DNAH17: variants seen among roughly 807,000 people sequenced by gnomAD.
DNAH17 encodes the protein axonemal beta dynein heavy chain 17.
DNAH17 carries 376 observed loss-of-function variants against 485.6 expected under a neutral mutation model. The observed-to-expected ratio is 0.77, with a 90% CI of 0.71 to 0.84. The LOEUF (loss-of-function observed/expected upper bound fraction) is 0.84, where lower values mean the gene tolerates loss of function less well. Ranked by LOEUF, DNAH17 falls within the 40% of genes least tolerant of loss-of-function variation. DNAH17 has a pLI of 0.00. For missense variants in DNAH17, 6,370 were observed against 5,839.3 expected (o/e 1.09, Z -2.96); for synonymous variants, 3,031 against 2,405.9 (o/e 1.26, Z -7.60).
At chr17:78,484,739 A>ACCCCCCCGG in intron 48 of DNAH17, 129 bp downstream of exon 48, 2 of 347,798 alleles carry the variant, frequency 5.8e-6, no homozygotes, top group Non-Finnish European at 9.1e-6. Flanking sequence ...ACGTTGCAGC[A>ACCCCCCCGG]CCCCCCCCAC....
intron 55 of DNAH17, among the ~76,000 whole-genome samples, chr17:78,468,195 T>C (rs976658203): frequency 2.6e-5 from 4 of 151,766 alleles, no homozygotes; most frequent in African/African-American, 4.8e-5. Flanking sequence ...CAAATAAAAA[T>C]ATAGTATAAC....
Position 78,445,417 on chromosome 17 carries a change from C to G in DNAH17, c.11334+141G>C. On this transcript the variant is annotated intron_variant, in intron 70 of 80. Transcript: ENST00000389840. ...AGCCAGCCCATCTTGGTCTCCATCCCTATGTGCGGGGCCTCCTTGCTTTAC... is the reference window on the plus strand; with the variant it reads ...AGCCAGCCCATCTTGGTCTCCATCCGTATGTGCGGGGCCTCCTTGCTTTAC... 3 of 1,212,948 alleles carry G rather than the reference C, an allele frequency of 2.5e-6. No homozygotes were observed. The South Asian group carries it at 4.7e-5, about 19-fold the overall frequency. 75.1% of individuals were successfully genotyped at this position (1,212,948 alleles called of 1,614,324 possible). A position where few individuals can be genotyped will look rare whatever the true frequency, so the allele number is the denominator to read the frequency against.
intron 54 of DNAH17, among the ~76,000 whole-genome samples, chr17:78,473,543 CAAAAAAA>C (rs758795883): frequency 2.3e-4 from 13 of 55,446 alleles, no homozygotes; most frequent in South Asian, 7.5e-4. Context: ...GACTCTGTCT[CAAAAAAA>C]AAAAAAAAAA....
intron 44 of DNAH17, among the ~76,000 whole-genome samples, 172 bp downstream of exon 44, chr17:78,490,527 C>T (rs535800370): frequency 7.0e-6 from 1 of 142,038 alleles, no homozygotes; most frequent in South Asian, 2.3e-4. Flanking sequence ...TGAATTTACA[C>T]CATTTATTCC....
chr17:78,544,408 C>A (rs2143489448), intron 16 of DNAH17, among the ~76,000 whole-genome samples: 1 of 152,264 alleles, frequency 6.6e-6, no homozygotes, highest in South Asian at 2.1e-4. Flanking sequence ...GGGAGTAAGT[C>A]CCTTTTGTGG....
At position 78,430,278 on chromosome 17, in the gene DNAH17, T is replaced by C. The variant is rs1027393169; in HGVS notation, c.12226-978A>G. 5.9e-5 allele frequency among the ~76,000 whole-genome samples: 9 copies of C among 152,186 alleles called. 1 individual carries two copies. The East Asian group carries it at 7.7e-4, about 13-fold the overall frequency. ...TCATTTTAAATTTTGTGGCAGCCAC[T>C]TTAAAAGAGATCATTCCAACATGTA... is the stretch of plus-strand genomic sequence containing the variant. On this transcript the variant is annotated intron_variant, in intron 75 of 80. Transcript: ENST00000389840.
Position 78,495,039 on chromosome 17 carries a change from C to T in DNAH17, c.5962G>A (p.Glu1988Lys), listed in dbSNP as rs199509410. 159 of 1,611,740 alleles carry T rather than the reference C, an allele frequency of 9.9e-5. No individual in the cohort carries two copies. The highest frequency in any genetic ancestry group is 1.3e-4 in the Non-Finnish European group (151 of 1,179,048). ...ELICEIMLMA[E>K]GFLEARLLAR... ...AGAAGGCGGGCTTCCAGAAAGCCCT[C>T]GGCCATGAGCATGATCTCACATATC... is the stretch of plus-strand genomic sequence containing the variant. Residue 1988 changes from glutamate (E) to lysine (K), a missense_variant, in exon 39 of 81, where the codon GAG (glutamate) becomes AAG (lysine). Coordinates refer to ENST00000389840, the MANE Select transcript of DNAH17 (RefSeq NM_173628.4).
intron 25 of DNAH17, among the ~76,000 whole-genome samples, chr17:78,519,896 G>A (rs1427587955): frequency 2.6e-5 from 4 of 152,144 alleles, no homozygotes; most frequent in African/African-American, 4.8e-5. Flanking sequence ...GATCACCTGC[G>A]GTCAGGAGTT....
chr17:78,480,412 G>A (rs1378003306), intron 49 of DNAH17, among the ~76,000 whole-genome samples: 1 of 152,144 alleles, frequency 6.6e-6, no homozygotes, highest in African/African-American at 2.4e-5. Context: ...AACATACTTA[G>A]ACTAAAAACA....
chr17:78,464,540 C>T (rs977252298), intron 56 of DNAH17, among the ~76,000 whole-genome samples: 4 of 152,188 alleles, frequency 2.6e-5, no homozygotes, highest in South Asian at 4.1e-4. Flanking sequence ...GGATTATAGG[C>T]GTGAGCCACT....
intron 25 of DNAH17, among the ~76,000 whole-genome samples, chr17:78,518,696 G>A (rs921979166): frequency 2.6e-5 from 4 of 152,102 alleles, no homozygotes; most frequent in Admixed American, 6.5e-5. Flanking sequence ...AGCAGAATAC[G>A]CATTCTGTTC....
intron 54 of DNAH17, chr17:78,472,911 C>T (rs948643856): frequency 1.6e-5 from 5 of 314,308 alleles, no homozygotes; most frequent in Non-Finnish European, 3.3e-5. Flanking sequence ...CCTGCCCGCT[C>T]TATCCCCTGA....
Position 78,505,306 on chromosome 17 carries a change from T to C in DNAH17, c.4943A>G (p.Asp1648Gly), listed in dbSNP as rs756702069. ...DEYMVFDQEC[D>G]LSGQVEVWLN... ...GCACACACTCACCTGCCCCGAGAGG[T>C]CGCATTCCTGATCAAAAACCATGTA... The change falls in exon 31 of 81, where the codon GAC becomes GGC. Residue 1648 changes from aspartate (D) to glycine (G), a missense_variant. Asp to Gly is a moderately conservative substitution (Grantham distance 94). Transcript: ENST00000389840. 1.2e-5 allele frequency: 20 copies of C among 1,613,550 alleles called. No individual in the cohort carries two copies. In the African/African-American group the frequency reaches 2.5e-4, roughly 20 times the overall value.
intron 42 of DNAH17, among the ~76,000 whole-genome samples, chr17:78,492,318 C>G (rs1438389201): frequency 9.1e-6 from 1 of 110,232 alleles, no homozygotes; most frequent in East Asian, 2.7e-4. Flanking sequence ...GCCTGCATGT[C>G]TGGGCTCCCA....
In DNAH17 at chr17:78,437,796, C is replaced by T; in HGVS notation, c.11878G>A (p.Glu3960Lys). Residue 3960 changes from glutamate to lysine, a missense_variant, in exon 74 of 81, where the codon GAG becomes AAG. By Grantham distance (56) the Glu-to-Lys change is moderately conservative. Coordinates refer to ENST00000389840, the MANE Select transcript of DNAH17 (RefSeq NM_173628.4). ...GCGCTGATGAACACCCGGTAGTCCTCATGGCTGCCCGTGCTGTAGTGCTCC... is the reference window on the plus strand; with the variant it reads ...GCGCTGATGAACACCCGGTAGTCCTTATGGCTGCCCGTGCTGTAGTGCTCC... Reference protein sequence around the residue: ...KLEHYSTGSHEDYRVFISAEP... With the variant: ...KLEHYSTGSHKDYRVFISAEP... 1.9e-6 allele frequency: 3 copies of T among 1,612,560 alleles called. No homozygotes were observed. The highest frequency in any genetic ancestry group is 1.1e-5 in the South Asian group (1 of 91,072).
At chr17:78,546,000 G>T (rs1255174454) in intron 16 of DNAH17, among the ~76,000 whole-genome samples, 1 of 151,810 alleles carries the variant, frequency 6.6e-6, no homozygotes, top group African/African-American at 2.4e-5. Flanking sequence ...TTTGAAACAG[G>T]GTCGTGCTTT....
intron 22 of DNAH17, among the ~76,000 whole-genome samples, chr17:78,528,104 A>T (rs2091126180): frequency 6.6e-6 from 1 of 152,018 alleles, no homozygotes; most frequent in African/African-American, 2.4e-5. Context: ...GAAAAAAAAA[A>T]TCCCAGCCCA....
intron 17 of DNAH17, among the ~76,000 whole-genome samples, chr17:78,542,028 A>T (rs1172875565): frequency 6.6e-6 from 1 of 151,726 alleles, no homozygotes; most frequent in Non-Finnish European, 1.5e-5. Context: ...ATAATGGCCC[A>T]TCCCCCGGGT....
At chr17:78,434,359 G>C (rs745646515) in intron 74 of DNAH17, 139 bp from the exon 75 acceptor site, 24 of 724,552 alleles carry the variant, frequency 3.3e-5, no homozygotes, top group Non-Finnish European at 5.0e-5. Context: ...GCTGTGGGCT[G>C]TGCAGGTCTC....
Sources: gnomAD v4.1 joint callset for allele counts (sites outside exome capture counted in the v4.1 genomes callset) on GRCh38, gnomAD v4.1.1 for gene constraint, MANE v1.5 for transcripts, NCBI Gene and HGNC (gene_info 2026-07-23, HGNC 2026-07-21) for gene names.